Variants in TMEM39B observed in about 807,000 individuals in gnomAD.
The protein encoded by TMEM39B is transmembrane protein 39B.
A neutral mutation model predicts 52.2 loss-of-function variants in TMEM39B; 23 were observed. The ratio of observed to expected loss-of-function variants is 0.44; its 90% CI spans 0.32 to 0.62. TMEM39B has a LOEUF of 0.62. TMEM39B is among the 20% of genes least tolerant of loss of function. TMEM39B has a pLI of 0.06. For synonymous variants in TMEM39B, 285 were observed against 264.0 expected (o/e 1.08, Z -0.77); for missense variants, 547 against 642.0 (o/e 0.85, Z 1.60).
intron 5 of TMEM39B, among the ~76,000 whole-genome samples, chr1:32,085,526 G>A (rs564672663): frequency 8.8e-4 from 134 of 152,270 alleles, no homozygotes; most frequent in Non-Finnish European, 1.2e-3. Flanking sequence ...GCCAAGGTGG[G>A]TGGATCACAA....
At chr1:32,080,730 T>A (rs889330138) in intron 5 of TMEM39B, among the ~76,000 whole-genome samples, 1 of 151,814 alleles carries the variant, frequency 6.6e-6, no homozygotes, top group Non-Finnish European at 1.5e-5. Flanking sequence ...GGTTACTACC[T>A]GGTGAATCTT....
At chr1:32,084,753 A>C (rs754704848) in intron 5 of TMEM39B, among the ~76,000 whole-genome samples, 1 of 151,988 alleles carries the variant, frequency 6.6e-6, no homozygotes, top group Non-Finnish European at 1.5e-5. Flanking sequence ...TTTTTAGTAG[A>C]GACGGGGTTT....
chr1:32,083,986 G>GACACACACACACACACAC lies in TMEM39B; in HGVS notation c.590+6675_590+6676insCACACACACACACACACA, dbSNP rs779224876. Among the ~76,000 whole-genome samples the GACACACACACACACACAC allele has an allele frequency of 2.7e-3, 411 of 151,518 alleles. 4 individuals are homozygous for GACACACACACACACACAC. The highest frequency in any genetic ancestry group is 9.1e-3 in the African/African-American group (374 of 41,080). ...GGCAATAGAGCAAGACCCTGTTTCA[G>GACACACACACACACACAC]ACACACAGACACACACACACACACA... On this transcript the variant is annotated intron_variant, in intron 5 of 8. Coordinates refer to ENST00000336294, the MANE Select transcript of TMEM39B (RefSeq NM_018056.4).
chr1:32,095,060 T>C, intron 7 of TMEM39B, 89 bp downstream of exon 7: 1 of 1,441,682 alleles, frequency 6.9e-7, no homozygotes, highest in Non-Finnish European at 9.4e-7. Context: ...ACTTATTTAG[T>C]TAGCAAATAG....
At chr1:32,077,340 C>T (rs770252953) in intron 5 of TMEM39B, 22 bp downstream of exon 5, 2 of 1,613,750 alleles carry the variant, frequency 1.2e-6, no homozygotes, top group East Asian at 4.5e-5. Flanking sequence ...TCACTTCACC[C>T]CTCACTGCCC....
chr1:32,097,546 G>A (rs1331422916), intron 7 of TMEM39B, among the ~76,000 whole-genome samples: 2 of 151,890 alleles, frequency 1.3e-5, no homozygotes, highest in Non-Finnish European at 2.9e-5. Context: ...TGGCCAGGCT[G>A]GTCACGAACT....
At chr1:32,090,603 A>G (rs983151551) in intron 5 of TMEM39B, among the ~76,000 whole-genome samples, 1 of 151,948 alleles carries the variant, frequency 6.6e-6, no homozygotes, top group African/African-American at 2.4e-5. Flanking sequence ...ATGTACCACC[A>G]TACCTGCCTA....
chr1:32,080,616 A>C (rs1049608974), intron 5 of TMEM39B, among the ~76,000 whole-genome samples: 1 of 151,060 alleles, frequency 6.6e-6, no homozygotes. Context: ...GCAGTGAGCC[A>C]AGATCGCACC....
At chr1:32,088,374 G>T (rs1038185142) in intron 5 of TMEM39B, among the ~76,000 whole-genome samples, 1 of 151,790 alleles carries the variant, frequency 6.6e-6, no homozygotes, top group African/African-American at 2.4e-5. Context: ...CCAAGGTCTC[G>T]CCACTGCCCT....
At chr1:32,072,098 A>C (rs1639676597), upstream of TMEM39B, 1 of 152,194 alleles carries the variant, frequency 6.6e-6, no homozygotes. Flanking sequence ...CTTGACTGTA[A>C]GCTCTATGAC....
At chr1:32,085,088 C>T (rs1049133491) in intron 5 of TMEM39B, among the ~76,000 whole-genome samples, 8 of 152,108 alleles carry the variant, frequency 5.3e-5, no homozygotes, top group Non-Finnish European at 8.8e-5. Flanking sequence ...TGTTGTGGGA[C>T]GTTTGTCATT....
At chr1:32,078,060 A>G (rs1015722918) in intron 5 of TMEM39B, among the ~76,000 whole-genome samples, 1 of 152,148 alleles carries the variant, frequency 6.6e-6, no homozygotes, top group Non-Finnish European at 1.5e-5. Flanking sequence ...AAATTCCTCA[A>G]GCTGGGTCAA....
At chr1:32,091,319 C>T (rs1640592264) in intron 5 of TMEM39B, among the ~76,000 whole-genome samples, 1 of 152,160 alleles carries the variant, frequency 6.6e-6, no homozygotes, top group Admixed American at 6.5e-5. Flanking sequence ...AAAGCGTTTG[C>T]CTGAAAGCAT....
At chr1:32,099,972 G>A (rs1434989521) in intron 7 of TMEM39B, among the ~76,000 whole-genome samples, 2 of 152,110 alleles carry the variant, frequency 1.3e-5, no homozygotes, top group African/African-American at 4.8e-5. Flanking sequence ...GCTTGAACCT[G>A]GGAGGCGGAG....
intron 2 of TMEM39B, among the ~76,000 whole-genome samples, 159 bp from the exon 3 acceptor site, chr1:32,075,444 G>C (rs1257890429): frequency 1.3e-5 from 2 of 152,164 alleles, no homozygotes; most frequent in Non-Finnish European, 2.9e-5. Flanking sequence ...GATAGGAAAA[G>C]GCTTTGTCGG....
At position 32,077,157 on chromosome 1, in the gene TMEM39B, G is replaced by T. The variant is rs371321787; in HGVS notation, c.436-7G>T. 6.8e-6 allele frequency: 11 copies of T among 1,613,644 alleles called. No homozygotes were observed. The East Asian group carries it at 2.5e-4, about 36-fold the overall frequency. On this transcript the variant is annotated splice_polypyrimidine_tract_variant and splice_region_variant and intron_variant, in intron 4 of 8. Coordinates refer to ENST00000336294, the MANE Select transcript of TMEM39B (RefSeq NM_018056.4). ...GCCCCATCCCGTCCTATCTTGCCCCGACCCAGGCCTCTCAGAGGGGGAAGG... is the reference window on the plus strand; with the variant it reads ...GCCCCATCCCGTCCTATCTTGCCCCTACCCAGGCCTCTCAGAGGGGGAAGG...
In TMEM39B at chr1:32,073,001, G is replaced by A. The variant is rs1019057146; in HGVS notation, c.-47G>A. 17 of 1,532,846 alleles carry A rather than the reference G, an allele frequency of 1.1e-5. No individual in the cohort carries two copies. The highest frequency in any genetic ancestry group is 1.7e-4 in the Middle Eastern group (1 of 5,848). 95.0% of individuals were successfully genotyped at this position (1,532,846 alleles called of 1,614,324 possible). A position where few individuals can be genotyped will look rare whatever the true frequency, so the allele number is the denominator to read the frequency against. On this transcript the variant is annotated 5_prime_UTR_variant, in exon 1 of 9. Transcript: ENST00000336294. ...CGGCCGCCGTCGCCTCCGACATATT[G>A]CCCGCAGGAGCTGCGGCGGCGAAGC...
In TMEM39B at chr1:32,075,015, G is replaced by T. The variant is rs924506364; in HGVS notation, c.69G>T (p.Ser23=). 2 of 1,551,516 alleles carry T rather than the reference G, an allele frequency of 1.3e-6. No individual in the cohort carries two copies. The highest frequency in any genetic ancestry group is 1.7e-6 in the Non-Finnish European group (2 of 1,146,934). Reference sequence around the variant, plus strand: ...ATCCGCTCTGTGAGCCGGGATCCTCGGGGGGCTCTAGTGGAAGCCACACTT... The same window carrying T: ...ATCCGCTCTGTGAGCCGGGATCCTCTGGGGGCTCTAGTGGAAGCCACACTT... The part of the protein sequence containing the change: ...CRNPLCEPGS[S]GGSSGSHTSS... The change falls in exon 2 of 9, where the codon TCG becomes TCT. Residue 23 remains serine, a synonymous_variant. Transcript: ENST00000336294.
chr1:32,082,035 C>T (rs967032989), intron 5 of TMEM39B, among the ~76,000 whole-genome samples: 1 of 152,140 alleles, frequency 6.6e-6, no homozygotes, highest in African/African-American at 2.4e-5. Context: ...TTACTGTTCC[C>T]AGTAATTGAT....
Sources: allele counts gnomAD v4.1 joint callset (sites outside exome capture counted in the v4.1 genomes callset), GRCh38; gene constraint gnomAD v4.1.1; transcripts MANE v1.5; gene names NCBI Gene and HGNC (gene_info 2026-07-23, HGNC 2026-07-21).